The following SCAF8 variants were observed in gnomAD, a reference collection of about 807,000 sequenced individuals.
The protein encoded by SCAF8 is SR-related CTD associated factor 8.
SCAF8 carries 23 observed loss-of-function variants against 140.5 expected under a neutral mutation model. The ratio of observed to expected loss-of-function variants is 0.16; its 90% CI spans 0.12 to 0.23. The LOEUF (loss-of-function observed/expected upper bound fraction) is 0.23. SCAF8 is among the 10% of genes least tolerant of loss of function. The probability of loss-of-function intolerance (pLI) is 1.00; values close to 1 mark genes in which losing one functional copy is unlikely to be tolerated. For synonymous variants in SCAF8, 575 were observed against 528.9 expected, an observed-to-expected ratio of 1.09 and a Z score of -1.20; for missense variants, 1,397 against 1,555.7, an observed-to-expected ratio of 0.90 and a Z score of 1.72.
intron 1 of SCAF8, among the ~76,000 whole-genome samples, chr6:154,753,184 G>C (rs1778881524): frequency 6.6e-6 from 1 of 152,030 alleles, no homozygotes; most frequent in Non-Finnish European, 1.5e-5. Flanking sequence ...CAAAAATTAA[G>C]GCCCGGTGTG....
At chr6:154,735,711 A>G (rs1267422384) in intron 1 of SCAF8, among the ~76,000 whole-genome samples, 3 of 151,848 alleles carry the variant, frequency 2.0e-5, no homozygotes, top group Non-Finnish European at 4.4e-5. Context: ...ATGGGGTTTC[A>G]CCATGTTGGC....
intron 18 of SCAF8, 104 bp downstream of exon 18, chr6:154,827,344 C>T (rs1473994137): frequency 6.5e-6 from 5 of 773,844 alleles, no homozygotes; most frequent in South Asian, 1.9e-5. Flanking sequence ...ATTATGAAAG[C>T]TTTAAGACAA....
intron 1 of SCAF8, among the ~76,000 whole-genome samples, chr6:154,748,707 T>A (rs1778767277): frequency 6.6e-6 from 1 of 152,236 alleles, no homozygotes; most frequent in African/African-American, 2.4e-5. Context: ...TCAGAAGTTT[T>A]TAGAAGCCTG....
At chr6:154,736,170 G>A (rs1778412488) in intron 1 of SCAF8, among the ~76,000 whole-genome samples, 1 of 150,988 alleles carries the variant, frequency 6.6e-6, no homozygotes, top group African/African-American at 2.4e-5. Flanking sequence ...TTTAATTCCC[G>A]CCGCCACCCT....
At chr6:154,741,640 CAA>C (rs1314606283) in intron 1 of SCAF8, among the ~76,000 whole-genome samples, 1 of 152,116 alleles carries the variant, frequency 6.6e-6, no homozygotes, top group African/African-American at 2.4e-5. Context: ...CTCCTGACCT[CAA>C]GTGATCCGCC....
chr6:154,767,054 G>A (rs956646647), intron 1 of SCAF8, among the ~76,000 whole-genome samples: 2 of 152,106 alleles, frequency 1.3e-5, no homozygotes, highest in Admixed American at 6.5e-5. Flanking sequence ...CAGGGGCATT[G>A]TCCAGTATGA....
At chr6:154,794,783 GTGTGTGTGT>G (rs1777546996) in intron 5 of SCAF8, among the ~76,000 whole-genome samples, 2 of 13,950 alleles carry the variant, frequency 1.4e-4, no homozygotes, top group African/African-American at 9.9e-4. Flanking sequence ...TGTGGGGGGT[GTGTGTGTGT>G]GTGTGTGTGT....
At chr6:154,810,866 A>G (rs899673682) in intron 12 of SCAF8, among the ~76,000 whole-genome samples, 84 of 152,220 alleles carry the variant, frequency 5.5e-4, no homozygotes, top group African/African-American at 2.0e-3. Context: ...TGGGCAAAGA[A>G]GTACATAAAA....
At chr6:154,795,243 T>A in intron 6 of SCAF8, 104 bp downstream of exon 6, 1 of 999,178 alleles carries the variant, frequency 1.0e-6, no homozygotes, top group Non-Finnish European at 1.4e-6. Flanking sequence ...TTTTTTAGTT[T>A]TATAAAAATG....
intron 12 of SCAF8, among the ~76,000 whole-genome samples, chr6:154,811,395 GT>G (rs578123121): frequency 2.2e-3 from 313 of 143,260 alleles, no homozygotes; most frequent in South Asian, 0.013. Context: ...TGTTTACACA[GT>G]TTTTTTTTTT....
intron 1 of SCAF8, among the ~76,000 whole-genome samples, chr6:154,761,523 T>C (rs72993410): frequency 0.022 from 3,309 of 152,240 alleles, 40 homozygotes; most frequent in African/African-American, 0.025. Flanking sequence ...CAAAAAATCA[T>C]TTTGGAAGTT....
At position 154,733,481 on chromosome 6, in the gene SCAF8, C is replaced by G; in HGVS notation, c.-420C>G. ...CTGTCTTCGCCGAGCGGGGCTGGTT[C>G]CTGCGGCCCGAGCGGCGGGGAGGTG... On this transcript the variant is annotated 5_prime_UTR_variant, in exon 1 of 20. Coordinates refer to ENST00000367178, the MANE Select transcript of SCAF8 (RefSeq NM_014892.5). 1.5e-6 allele frequency: 2 copies of G among 1,346,114 alleles called. No homozygotes were observed. Among genetic ancestry groups the G allele is most frequent in the Non-Finnish European group, 1.9e-6 (2 of 1,052,560 alleles). The allele number at this position is 1,346,114 out of a possible 1,614,324, so 83.4% of individuals were successfully genotyped here. A position where few individuals can be genotyped will look rare whatever the true frequency, so the allele number is the denominator to read the frequency against.
chr6:154,771,408 G>C (rs192268124), intron 1 of SCAF8, among the ~76,000 whole-genome samples: 1 of 152,134 alleles, frequency 6.6e-6, no homozygotes, highest in African/African-American at 2.4e-5. Flanking sequence ...GAAAAAAGAC[G>C]ACTGTGTGTC....
intron 3 of SCAF8, among the ~76,000 whole-genome samples, chr6:154,781,160 G>T (rs1164287036): frequency 1.3e-5 from 2 of 152,014 alleles, no homozygotes; most frequent in African/African-American, 4.8e-5. Context: ...AAATCAATGT[G>T]CAAAAATCAC....
intron 6 of SCAF8, among the ~76,000 whole-genome samples, chr6:154,795,617 G>A (rs747752854): frequency 4.6e-5 from 7 of 152,240 alleles, no homozygotes; most frequent in East Asian, 1.9e-4. Context: ...CATTTGAATC[G>A]AGACATGAAA....
chr6:154,813,288 G>A (rs936891749), intron 12 of SCAF8, among the ~76,000 whole-genome samples: 35 of 152,286 alleles, frequency 2.3e-4, no homozygotes, highest in African/African-American at 8.2e-4. Flanking sequence ...ACTTTGGAAG[G>A]CCAAGGCGGG....
intron 4 of SCAF8, among the ~76,000 whole-genome samples, chr6:154,792,243 C>G (rs894965777): frequency 6.6e-6 from 1 of 152,122 alleles, no homozygotes; most frequent in Non-Finnish European, 1.5e-5. Context: ...TTGTCCATCT[C>G]TGGTTCAAAG....
chr6:154,807,204 G>C (rs1294732687), intron 9 of SCAF8, among the ~76,000 whole-genome samples: 2 of 152,160 alleles, frequency 1.3e-5, no homozygotes, highest in African/African-American at 2.4e-5. Context: ...ACTTGAGAGA[G>C]AGCGAGTCTG....
intron 1 of SCAF8, among the ~76,000 whole-genome samples, chr6:154,772,320 A>G (rs527674582): frequency 6.6e-6 from 1 of 152,310 alleles, no homozygotes; most frequent in African/African-American, 2.4e-5. Context: ...TTTAATCAGT[A>G]ATTGTCTGTT....
Sources: allele counts gnomAD v4.1 joint callset (sites outside exome capture counted in the v4.1 genomes callset), GRCh38; gene constraint gnomAD v4.1.1; transcripts MANE v1.5; gene names NCBI Gene and HGNC (gene_info 2026-07-23, HGNC 2026-07-21).